RCAN1: variants seen among roughly 807,000 people sequenced by gnomAD.
The protein encoded by RCAN1 is regulator of calcineurin 1, also known as calcipressin-1.
In RCAN1, 11 loss-of-function variants were observed where a neutral mutation model predicts 22.9. The ratio of observed to expected loss-of-function variants is 0.48; its 90% CI spans 0.30 to 0.79. The LOEUF (loss-of-function observed/expected upper bound fraction) is 0.79. Among genes scored for constraint, RCAN1 ranks in the 30% least tolerant of loss-of-function variants. The pLI is 0.06. For missense variants in RCAN1, 291 were observed against 337.8 expected, an observed-to-expected ratio of 0.86 and a Z score of 1.09; for synonymous variants, 136 against 142.3, an observed-to-expected ratio of 0.96 and a Z score of 0.32.
In RCAN1 at chr21:34,520,657, G is replaced by A. The variant is rs11911399; in HGVS notation, c.586+842C>T. Among the ~76,000 whole-genome samples the A allele has an allele frequency of 2.6e-3, 389 of 152,314 alleles. 2 individuals carry two copies. The highest frequency in any genetic ancestry group is 8.9e-3 in the African/African-American group (372 of 41,578). ...TTTGACTTGCTCCACGGACAGAGCAGGAGAAGGCTCAAACCTCTTCACCCC... is the reference window on the plus strand; with the variant it reads ...TTTGACTTGCTCCACGGACAGAGCAAGAGAAGGCTCAAACCTCTTCACCCC... On this transcript the variant is annotated intron_variant, in intron 3 of 3. Transcript: ENST00000313806.
At chr21:34,605,576 G>A (rs528602835) in intron 1 of RCAN1, among the ~76,000 whole-genome samples, 9 of 152,164 alleles carry the variant, frequency 5.9e-5, no homozygotes, top group Non-Finnish European at 1.3e-4. Flanking sequence ...GGATTGAAAT[G>A]AGATGTGAAA....
intron 1 of RCAN1, among the ~76,000 whole-genome samples, chr21:34,585,788 A>G (rs1028272036): frequency 2.9e-4 from 44 of 151,800 alleles, no homozygotes; most frequent in Admixed American, 9.2e-4. Flanking sequence ...AAGATAAGAA[A>G]GAAAAGGAAT....
chr21:34,614,447 C>T lies in RCAN1; in HGVS notation c.252+313G>A, dbSNP rs1988762679. 4 of 1,011,306 alleles carry T rather than the reference C, an allele frequency of 4.0e-6. No individual in the cohort carries two copies. Among genetic ancestry groups the T allele is most frequent in the Non-Finnish European group, 1.2e-6 (1 of 847,284 alleles). 62.6% of individuals were successfully genotyped at this position (1,011,306 alleles called of 1,614,324 possible). A position where few individuals can be genotyped will look rare whatever the true frequency, so the allele number is the denominator to read the frequency against. On this transcript the variant is annotated intron_variant, in intron 1 of 3. Coordinates refer to ENST00000313806, the MANE Select transcript of RCAN1 (RefSeq NM_004414.7). The surrounding 1 kb of genome is among the most constrained non-coding windows in gnomAD (Gnocchi z 6.0). ...GGGGCGATGGCGAGAGCGCAGGGGG[C>T]GGCGGCGCTGCCCCACCTTGGGGAG... is the stretch of plus-strand genomic sequence containing the variant.
chr21:34,559,738 G>C (rs971316051), intron 1 of RCAN1: 1 of 152,158 alleles, frequency 6.6e-6, no homozygotes, highest in Non-Finnish European at 1.5e-5. Context: ...ACCTGGAGAG[G>C]ATATAGGGAA....
Position 34,604,125 on chromosome 21 carries a change from C to T in RCAN1, c.252+10635G>A, listed in dbSNP as rs984824853. Among the ~76,000 whole-genome samples the T allele has an allele frequency of 2.6e-5, 4 of 151,996 alleles. No homozygotes were observed. In the East Asian group the frequency reaches 5.8e-4, roughly 22 times the overall value. ...CTTCAAGCAGTAACTGGACAGAATC[C>T]GTCTTGGGGTCACTTCTTTTTTCTT... On this transcript the variant is annotated intron_variant, in intron 1 of 3. Transcript: ENST00000313806.
intron 1 of RCAN1, among the ~76,000 whole-genome samples, chr21:34,608,535 C>T (rs1408587398): frequency 6.6e-6 from 1 of 152,202 alleles, no homozygotes; most frequent in Non-Finnish European, 1.5e-5. Context: ...ACAAGTGAGC[C>T]TGGCAGTAGA....
At chr21:34,605,286 A>G (rs1988488156) in intron 1 of RCAN1, among the ~76,000 whole-genome samples, 2 of 152,220 alleles carry the variant, frequency 1.3e-5, no homozygotes, top group South Asian at 4.1e-4. Flanking sequence ...CTCAAACATT[A>G]GACTCCAGGT....
At chr21:34,606,469 C>T (rs76639360) in intron 1 of RCAN1, among the ~76,000 whole-genome samples, 1 of 152,098 alleles carries the variant, frequency 6.6e-6, no homozygotes, top group Non-Finnish European at 1.5e-5. Context: ...AAATAGGGTA[C>T]TTAATATACA....
intron 1 of RCAN1, among the ~76,000 whole-genome samples, chr21:34,588,539 T>A (rs1017933810): frequency 6.6e-6 from 1 of 152,220 alleles, no homozygotes; most frequent in South Asian, 2.1e-4. Flanking sequence ...TAACAAGAGT[T>A]GGCAAGGAGG....
chr21:34,562,806 G>C (rs1035767858), intron 1 of RCAN1, among the ~76,000 whole-genome samples: 1 of 152,140 alleles, frequency 6.6e-6, no homozygotes, highest in African/African-American at 2.4e-5. Context: ...GATTCAATGA[G>C]ATAGGTGTAA....
At chr21:34,521,738 G>C in intron 2 of RCAN1, 80 bp from the exon 3 acceptor site, 1 of 1,213,752 alleles carries the variant, frequency 8.2e-7, no homozygotes, top group Non-Finnish European at 1.2e-6. Flanking sequence ...CGCCAGTTCC[G>C]GGAGATGGGC....
intron 1 of RCAN1, among the ~76,000 whole-genome samples, chr21:34,532,900 T>A (rs1985468693): frequency 6.6e-6 from 1 of 152,116 alleles, no homozygotes. Context: ...ACCTTATCAG[T>A]CTCATTTAAA....
intron 1 of RCAN1, among the ~76,000 whole-genome samples, chr21:34,581,738 C>T (rs533866969): frequency 2.0e-5 from 3 of 152,180 alleles, no homozygotes; most frequent in South Asian, 4.1e-4. Context: ...GTTTTAATAC[C>T]GTTATTCATG....
intron 1 of RCAN1, among the ~76,000 whole-genome samples, chr21:34,544,338 G>A (rs1983433476): frequency 6.6e-6 from 1 of 152,232 alleles, no homozygotes; most frequent in Admixed American, 6.5e-5. Flanking sequence ...TTCTGAAGAT[G>A]GAGGGGGCCA....
At chr21:34,599,104 C>A (rs1014718192) in intron 1 of RCAN1, among the ~76,000 whole-genome samples, 1 of 152,084 alleles carries the variant, frequency 6.6e-6, no homozygotes, top group African/African-American at 2.4e-5. Flanking sequence ...TCTATTAAAA[C>A]GTAAAGTAAC....
At chr21:34,557,687 T>C (rs1986632215) in intron 1 of RCAN1, among the ~76,000 whole-genome samples, 1 of 152,228 alleles carries the variant, frequency 6.6e-6, no homozygotes, top group African/African-American at 2.4e-5. Flanking sequence ...TCATTTAACA[T>C]ACTTGAAAGA....
At chr21:34,529,757 T>C (rs1985271378) in intron 1 of RCAN1, among the ~76,000 whole-genome samples, 2 of 152,178 alleles carry the variant, frequency 1.3e-5, no homozygotes, top group South Asian at 2.1e-4. Flanking sequence ...TCTGATATGG[T>C]TGGGCTGTGT....
intron 1 of RCAN1, among the ~76,000 whole-genome samples, chr21:34,540,899 C>T (rs908081919): frequency 6.6e-6 from 1 of 151,998 alleles, no homozygotes; most frequent in Non-Finnish European, 1.5e-5. Flanking sequence ...GTAGAAGAAC[C>T]GCTTGAACCT....
At chr21:34,567,765 C>A (rs1987083654) in intron 1 of RCAN1, among the ~76,000 whole-genome samples, 1 of 152,168 alleles carries the variant, frequency 6.6e-6, no homozygotes, top group South Asian at 2.1e-4. Flanking sequence ...ACGGGCGCCA[C>A]TGGAATTTCC....
Sources: gnomAD v4.1 joint callset for allele counts (sites outside exome capture counted in the v4.1 genomes callset) on GRCh38, gnomAD v4.1.1 for gene constraint, Gnocchi (gnomAD v3.1) non-coding constraint, MANE v1.5 for transcripts, NCBI Gene and HGNC (gene_info 2026-07-23, HGNC 2026-07-21) for gene names.